The following GUCY2C variants were observed in gnomAD, a reference collection of about 807,000 sequenced individuals.
GUCY2C encodes guanylate cyclase 2C.
In GUCY2C, 118 loss-of-function variants were observed where a neutral mutation model predicts 131.1. The observed-to-expected ratio is 0.90, with a 90% CI of 0.78 to 1.05. The LOEUF is 1.05. GUCY2C is among the 50% of genes least tolerant of loss of function. The pLI is 0.00. For synonymous variants in GUCY2C, 452 were observed against 457.8 expected (o/e 0.99, Z 0.16); for missense variants, 1,161 against 1,304.4 (o/e 0.89, Z 1.69).
At chr12:14,690,485 A>G (rs932872838) in intron 1 of GUCY2C, among the ~76,000 whole-genome samples, 1 of 152,226 alleles carries the variant, frequency 6.6e-6, no homozygotes, top group East Asian at 1.9e-4. Flanking sequence ...GGTTCCTTCC[A>G]GTAAAAAATA....
chr12:14,640,884 T>C (rs1348801791), intron 18 of GUCY2C, among the ~76,000 whole-genome samples, 198 bp downstream of exon 18: 1 of 152,226 alleles, frequency 6.6e-6, no homozygotes, highest in Non-Finnish European at 1.5e-5. Flanking sequence ...TGGCAGTGTA[T>C]GTTGTCTTAT....
intron 22 of GUCY2C, among the ~76,000 whole-genome samples, chr12:14,621,449 A>C (rs1946895370): frequency 6.6e-6 from 1 of 152,208 alleles, no homozygotes; most frequent in African/African-American, 2.4e-5. Context: ...GCCATTTAAA[A>C]GTACTTCATA....
At chr12:14,664,034 C>T (rs2137058095) in intron 10 of GUCY2C, among the ~76,000 whole-genome samples, 1 of 152,206 alleles carries the variant, frequency 6.6e-6, no homozygotes, top group Non-Finnish European at 1.5e-5. Flanking sequence ...ACTACAGCTC[C>T]TTTGTATAAG....
chr12:14,651,194 C>T (rs1592112934), intron 15 of GUCY2C, among the ~76,000 whole-genome samples: 1 of 152,168 alleles, frequency 6.6e-6, no homozygotes, highest in Admixed American at 6.5e-5. Context: ...TACTCCCCTC[C>T]CCAAATCTAT....
chr12:14,644,480 G>A (rs1356877363), intron 16 of GUCY2C, among the ~76,000 whole-genome samples: 2 of 152,242 alleles, frequency 1.3e-5, no homozygotes, highest in African/African-American at 4.8e-5. Flanking sequence ...CAGGAGTGAC[G>A]TGTGTGGCAA....
intron 23 of GUCY2C, 161 bp from the exon 24 acceptor site, chr12:14,619,470 A>G (rs1946847607): frequency 1.8e-6 from 1 of 560,018 alleles, no homozygotes; most frequent in Non-Finnish European, 3.2e-6. Context: ...GTTTAAATGG[A>G]TGAATCCAAT....
chr12:14,689,249 A>T (rs578065112), intron 1 of GUCY2C, among the ~76,000 whole-genome samples: 21 of 152,132 alleles, frequency 1.4e-4, no homozygotes, highest in Non-Finnish European at 2.4e-4. Context: ...AGTATGAGAA[A>T]AGAGGACTCA....
chr12:14,659,861 A>C (rs1169386473), intron 11 of GUCY2C, among the ~76,000 whole-genome samples: 1 of 152,212 alleles, frequency 6.6e-6, no homozygotes, highest in Non-Finnish European at 1.5e-5. Flanking sequence ...AGGAAGCCCC[A>C]TCTCTGCCTG....
At chr12:14,618,617 A>G (rs1946822218) in intron 24 of GUCY2C, among the ~76,000 whole-genome samples, 1 of 152,166 alleles carries the variant, frequency 6.6e-6, no homozygotes, top group African/African-American at 2.4e-5. Context: ...CCTGGGCAAC[A>G]TAGTGAGACC....
chr12:14,646,932 G>T (rs1410146630), intron 15 of GUCY2C, among the ~76,000 whole-genome samples: 2 of 152,124 alleles, frequency 1.3e-5, no homozygotes, highest in Non-Finnish European at 2.9e-5. Flanking sequence ...TAAGTACGAA[G>T]AAAAATTGCC....
intron 9 of GUCY2C, among the ~76,000 whole-genome samples, chr12:14,672,043 T>C (rs920024120): frequency 6.6e-6 from 1 of 151,716 alleles, no homozygotes; most frequent in African/African-American, 2.4e-5. Context: ...ACACATTTAG[T>C]ATATGACTTA....
chr12:14,638,554 G>A (rs923500404), intron 19 of GUCY2C, among the ~76,000 whole-genome samples: 3 of 152,220 alleles, frequency 2.0e-5, no homozygotes, highest in Admixed American at 2.0e-4. Context: ...ATGAAATCAT[G>A]TCATTTGCAG....
At chr12:14,666,209 T>A (rs570246232) in intron 10 of GUCY2C, among the ~76,000 whole-genome samples, 26 of 152,352 alleles carry the variant, frequency 1.7e-4, no homozygotes, top group African/African-American at 6.3e-4. Flanking sequence ...TCTACCTGGC[T>A]GGCGCCATGA....
chr12:14,629,587 A>G (rs905129141), intron 19 of GUCY2C, among the ~76,000 whole-genome samples: 1 of 151,990 alleles, frequency 6.6e-6, no homozygotes, highest in African/African-American at 2.4e-5. Context: ...AGAAATAAAA[A>G]CTCTCTTCCT....
intron 19 of GUCY2C, among the ~76,000 whole-genome samples, chr12:14,629,922 A>T (rs187075080): frequency 9.8e-5 from 15 of 152,296 alleles, no homozygotes; most frequent in Non-Finnish European, 1.6e-4. Context: ...ATTCCTTAGT[A>T]TAAGTATGTC....
At chr12:14,640,099 C>T (rs963804659) in intron 18 of GUCY2C, 149 bp from the exon 19 acceptor site, 1 of 621,480 alleles carries the variant, frequency 1.6e-6, no homozygotes. Flanking sequence ...ACTCAGTAGA[C>T]AGGTGTTGAT....
intron 6 of GUCY2C, among the ~76,000 whole-genome samples, chr12:14,678,537 A>G (rs1480510631): frequency 1.3e-5 from 2 of 152,154 alleles, no homozygotes; most frequent in South Asian, 2.1e-4. Flanking sequence ...TCTTTCCTGT[A>G]CTTCTGTAGT....
intron 10 of GUCY2C, among the ~76,000 whole-genome samples, chr12:14,666,489 C>A (rs1203510560): frequency 6.6e-6 from 1 of 152,174 alleles, no homozygotes; most frequent in African/African-American, 2.4e-5. Flanking sequence ...AATCTCAGAA[C>A]TTTGGGAGGC....
chr12:14,625,389 G>T (rs55676509), intron 21 of GUCY2C, among the ~76,000 whole-genome samples: 3,115 of 150,824 alleles, frequency 0.021, 117 homozygotes, highest in African/African-American at 0.07. Context: ...GTGCAGTGGC[G>T]CGATCTTGGC....
Sources: gnomAD v4.1 joint callset for allele counts (sites outside exome capture counted in the v4.1 genomes callset) on GRCh38, gnomAD v4.1.1 for gene constraint, MANE v1.5 for transcripts, NCBI Gene and HGNC (gene_info 2026-07-23, HGNC 2026-07-21) for gene names.